Variants in MAML3 observed in about 807,000 individuals in gnomAD.
The protein encoded by MAML3 is mastermind-like protein 3.
In MAML3, 27 loss-of-function variants were observed where a neutral mutation model predicts 101.9. The observed-to-expected ratio is 0.27, with a 90% confidence interval of 0.20 to 0.37. MAML3 has a LOEUF of 0.37. MAML3 is among the 10% of genes least tolerant of loss of function. The pLI is 1.00. For missense variants in MAML3, 1,316 were observed against 1,444.9 expected, an observed-to-expected ratio of 0.91 and a Z score of 1.45; for synonymous variants, 501 against 555.9, an observed-to-expected ratio of 0.90 and a Z score of 1.39.
intron 2 of MAML3, among the ~76,000 whole-genome samples, chr4:139,866,500 A>G (rs899522066): frequency 2.0e-5 from 3 of 152,116 alleles, no homozygotes; most frequent in Admixed American, 1.3e-4. Flanking sequence ...ATTTGTAAAC[A>G]AGGAAGATAA....
intron 1 of MAML3, chr4:140,134,653 G>C (rs775321884): frequency 1.5e-4 from 39 of 267,228 alleles, no homozygotes; most frequent in Non-Finnish European, 2.4e-4. Context: ...TTTTCCAGTA[G>C]ATTTTGGCCT....
intron 1 of MAML3, among the ~76,000 whole-genome samples, chr4:139,918,835 G>A (rs745358513): frequency 1.3e-5 from 2 of 152,126 alleles, no homozygotes; most frequent in Non-Finnish European, 1.5e-5. Flanking sequence ...TCCTTAGAAT[G>A]TAAACAGGAA....
chr4:139,910,620 T>C (rs1732899134), intron 1 of MAML3, among the ~76,000 whole-genome samples: 1 of 152,156 alleles, frequency 6.6e-6, no homozygotes, highest in Non-Finnish European at 1.5e-5. Flanking sequence ...AATGGAGATA[T>C]TAGGAACAAG....
intron 1 of MAML3, among the ~76,000 whole-genome samples, chr4:140,097,448 T>G (rs1728182645): frequency 6.6e-6 from 1 of 152,022 alleles, no homozygotes; most frequent in Admixed American, 6.6e-5. Flanking sequence ...CCGTAGTGGG[T>G]CAGCAAGTAC....
chr4:139,749,928 T>C (rs1432195992), intron 2 of MAML3, among the ~76,000 whole-genome samples: 1 of 144,250 alleles, frequency 6.9e-6, no homozygotes, highest in Non-Finnish European at 1.5e-5. Context: ...TTCATGTTAT[T>C]TGAAATCAAC....
At chr4:139,825,659 C>T (rs1048864984) in intron 2 of MAML3, among the ~76,000 whole-genome samples, 2 of 152,138 alleles carry the variant, frequency 1.3e-5, no homozygotes, top group African/African-American at 4.8e-5. Flanking sequence ...TCCCCATTCC[C>T]CTGTATCCAG....
chr4:139,951,160 C>G (rs966327957), intron 1 of MAML3, among the ~76,000 whole-genome samples: 1 of 152,202 alleles, frequency 6.6e-6, no homozygotes, highest in African/African-American at 2.4e-5. Flanking sequence ...CCTACCCAAA[C>G]CACAAAGCCC....
intron 1 of MAML3, among the ~76,000 whole-genome samples, chr4:139,977,887 CAAAAAACAAAA>C (rs1278250798): frequency 7.4e-5 from 11 of 147,972 alleles, no homozygotes; most frequent in African/African-American, 1.3e-4. Context: ...AAACAAAAAA[CAAAAAACAAAA>C]AAAAAACAAA....
At chr4:140,000,741 G>A (rs1734908236) in intron 1 of MAML3, among the ~76,000 whole-genome samples, 1 of 152,266 alleles carries the variant, frequency 6.6e-6, no homozygotes, top group Non-Finnish European at 1.5e-5. Flanking sequence ...TTAAGATTTG[G>A]CCTTGGCTGG....
Position 139,888,918 on chromosome 4 carries a change from G to C in MAML3, c.2079+439C>G, listed in dbSNP as rs57396975. Among the ~76,000 whole-genome samples, 797 of 152,190 alleles carry C rather than the reference G, an allele frequency of 5.2e-3. 8 individuals carry two copies. The highest frequency in any genetic ancestry group is 0.018 in the African/African-American group (741 of 41,506). On this transcript the variant is annotated intron_variant, in intron 2 of 4. Transcript: ENST00000509479. ...TTTCCCATTATTCATAATTCAGTAG[G>C]ACAGCTGAAGGCTGCTCAGGGCCTT... is the stretch of plus-strand genomic sequence containing the variant.
chr4:139,894,994 C>A (rs1286501159), intron 1 of MAML3, among the ~76,000 whole-genome samples: 2 of 152,174 alleles, frequency 1.3e-5, no homozygotes, highest in Non-Finnish European at 2.9e-5. Context: ...TTTAGAAAGT[C>A]CAAGTCCATG....
At chr4:139,740,929 T>TCTTC (rs1405008270) in intron 2 of MAML3, among the ~76,000 whole-genome samples, 2 of 152,188 alleles carry the variant, frequency 1.3e-5, no homozygotes, top group Non-Finnish European at 2.9e-5. Flanking sequence ...GTCCCCATGT[T>TCTTC]CTTCCTTCCT....
chr4:139,798,040 GAAAGAAAGAAAGAAAGAAAGAA>G (rs1730543612), intron 2 of MAML3, among the ~76,000 whole-genome samples: 2 of 20,254 alleles, frequency 9.9e-5, no homozygotes, highest in African/African-American at 2.4e-4. Flanking sequence ...GAGAGAGAAA[GAAAGAAAGAAAGAAAGAAAGAA>G]AGAAAGAAAG....
At chr4:139,917,161 T>C (rs1733044101) in intron 1 of MAML3, among the ~76,000 whole-genome samples, 1 of 152,172 alleles carries the variant, frequency 6.6e-6, no homozygotes. Flanking sequence ...CAAGAACCAC[T>C]CTCCTGTAGG....
intron 2 of MAML3, among the ~76,000 whole-genome samples, chr4:139,814,971 G>A (rs1012760026): frequency 6.6e-5 from 10 of 152,178 alleles, no homozygotes; most frequent in African/African-American, 1.9e-4. Flanking sequence ...AGAGTCTAAT[G>A]AGGCAGCATT....
rs1411325042 is a variant in MAML3, at chr4:140,134,037, C to T, written c.468+18823G>A. ...TCATCCCTTCTGCCATCTCTCCCAT[C>T]TCTCCCTCCAGGGAGGTTGTGACAG... On this transcript the variant is annotated intron_variant, in intron 1 of 4. Coordinates refer to ENST00000509479, the MANE Select transcript of MAML3 (RefSeq NM_018717.5). The T allele has an allele frequency of 6.8e-6, 3 of 441,106 alleles. No homozygotes were observed. In the East Asian group the frequency reaches 2.1e-4, roughly 31 times the overall value. The allele number at this position is 441,106 out of a possible 1,614,324, so 27.3% of individuals were successfully genotyped here. A position where few individuals can be genotyped will look rare whatever the true frequency, so the allele number is the denominator to read the frequency against.
At chr4:139,889,027 C>T (rs966659435) in intron 2 of MAML3, among the ~76,000 whole-genome samples, 2 of 152,174 alleles carry the variant, frequency 1.3e-5, no homozygotes, top group African/African-American at 2.4e-5. Context: ...AGAGAAGCTA[C>T]AGAGGTAGTG....
chr4:140,074,245 G>GAAAGAAAGAAAT (rs1727728891), intron 1 of MAML3, among the ~76,000 whole-genome samples: 1 of 138,634 alleles, frequency 7.2e-6, no homozygotes, highest in Non-Finnish European at 1.6e-5. Context: ...AAGAAAGAAA[G>GAAAGAAAGAAAT]AAAGAAAGAA....
At chr4:139,797,839 T>A (rs1730537495) in intron 2 of MAML3, among the ~76,000 whole-genome samples, 1 of 152,134 alleles carries the variant, frequency 6.6e-6, no homozygotes, top group South Asian at 2.1e-4. Context: ...TGATGCAATG[T>A]ATTTATAGAT....
Sources: allele counts gnomAD v4.1 joint callset (sites outside exome capture counted in the v4.1 genomes callset), GRCh38; gene constraint gnomAD v4.1.1; transcripts MANE v1.5; gene names NCBI Gene and HGNC (gene_info 2026-07-23, HGNC 2026-07-21).